Variants in FOXN3 observed in about 807,000 individuals in gnomAD.
FOXN3 encodes forkhead box protein N3.
FOXN3 carries 7 observed loss-of-function variants against 38.4 expected under a neutral mutation model. That is an observed-to-expected ratio of 0.18 (90% CI 0.10 to 0.34). FOXN3 has a LOEUF of 0.34. FOXN3 is among the 10% of genes least tolerant of loss of function. The pLI, the probability that FOXN3 is intolerant of heterozygous loss-of-function variation, is 1.00. For missense variants in FOXN3, 456 were observed against 613.4 expected (o/e 0.74, Z 2.71); for synonymous variants, 230 against 242.2 (o/e 0.95, Z 0.47).
chr14:89,260,424 C>T (rs532119021), intron 4 of FOXN3, among the ~76,000 whole-genome samples: 18 of 152,310 alleles, frequency 1.2e-4, no homozygotes, highest in African/African-American at 3.6e-4. Flanking sequence ...CCTGTGCTCC[C>T]GGCAATCAGC....
chr14:89,426,241 T>TTG (rs55794657), intron 1 of FOXN3, among the ~76,000 whole-genome samples: 3 of 122,058 alleles, frequency 2.5e-5, no homozygotes, highest in Non-Finnish European at 5.1e-5. Flanking sequence ...TTTTTTTTTT[T>TTG]GAGACAGGGT....
At chr14:89,323,287 C>CA (rs60059606) in intron 3 of FOXN3, among the ~76,000 whole-genome samples, 2,334 of 75,600 alleles carry the variant, frequency 0.031, 47 homozygotes, top group African/African-American at 0.062. Context: ...GACTCCATCT[C>CA]AAAAAAAAAA....
Position 89,162,931 on chromosome 14 carries a change from T to C in FOXN3, c.890A>G (p.Glu297Gly). ...GACCACTGGGGAGCCACAAGATGGCTCACTCTCAGTCCGCATCCGGCAGCT... is the reference window on the plus strand; with the variant it reads ...GACCACTGGGGAGCCACAAGATGGCCCACTCTCAGTCCGCATCCGGCAGCT... ...ITSCRMRTES[E>G]PSCGSPVVSG... Residue 297 changes from glutamate (E) to glycine (G), a missense_variant, in exon 6 of 6, where the codon GAG becomes GGG. Transcript: ENST00000557258. This position sits in a 1 kb window ranked among gnomAD's most constrained non-coding sequence, Gnocchi z 7.2. 6.3e-7 allele frequency: 1 copy of C among 1,583,318 alleles called. No homozygotes were observed. The highest frequency in any genetic ancestry group is 8.6e-7 in the Non-Finnish European group (1 of 1,161,288).
chr14:89,272,594 G>A (rs1005038707), intron 4 of FOXN3, among the ~76,000 whole-genome samples: 3 of 152,228 alleles, frequency 2.0e-5, no homozygotes, highest in Admixed American at 1.3e-4. Context: ...GCTCACGCCT[G>A]TAATCCCAAC....
At chr14:89,222,864 G>T (rs931633859) in intron 4 of FOXN3, among the ~76,000 whole-genome samples, 1 of 152,166 alleles carries the variant, frequency 6.6e-6, no homozygotes, top group Non-Finnish European at 1.5e-5. Flanking sequence ...CAAAAGTTTT[G>T]CTGAGAGTAT....
intron 1 of FOXN3, among the ~76,000 whole-genome samples, chr14:89,464,855 G>A (rs569194278): frequency 3.2e-4 from 48 of 151,700 alleles, no homozygotes; most frequent in Middle Eastern, 3.4e-3. Context: ...CCACCACCAC[G>A]CCCGGCTAAT....
intron 1 of FOXN3, among the ~76,000 whole-genome samples, chr14:89,429,969 G>A (rs189929874): frequency 6.9e-4 from 105 of 152,196 alleles, no homozygotes; most frequent in African/African-American, 2.5e-3. Context: ...TGTCACATTC[G>A]TTCTTCTGTT....
At chr14:89,190,351 A>G (rs1319332390) in intron 4 of FOXN3, 3 of 1,540,098 alleles carry the variant, frequency 1.9e-6, no homozygotes, top group African/African-American at 2.7e-5. Context: ...TTCACAAACT[A>G]TGGTGCTGTA....
At chr14:89,471,281 T>G (rs112254316) in intron 1 of FOXN3, among the ~76,000 whole-genome samples, 2 of 152,174 alleles carry the variant, frequency 1.3e-5, no homozygotes, top group African/African-American at 2.4e-5. Flanking sequence ...TACCTGAGAG[T>G]AATCCATTTT....
chr14:89,505,606 G>A (rs1893903060), intron 1 of FOXN3, among the ~76,000 whole-genome samples: 1 of 152,100 alleles, frequency 6.6e-6, no homozygotes, highest in Admixed American at 6.5e-5. Context: ...GAGTGCAGTG[G>A]CGTGATCTCG....
intron 4 of FOXN3, among the ~76,000 whole-genome samples, chr14:89,187,479 G>GTGGC (rs922516528): frequency 2.2e-4 from 33 of 152,320 alleles, no homozygotes; most frequent in Non-Finnish European, 3.7e-4. Context: ...CACCATCACT[G>GTGGC]TGGCTGGCTG....
chr14:89,384,570 C>G (rs75866392), intron 2 of FOXN3, among the ~76,000 whole-genome samples: 1 of 152,140 alleles, frequency 6.6e-6, no homozygotes, highest in African/African-American at 2.4e-5. Flanking sequence ...TTAAAAAAAA[C>G]TTCCTTTCTT....
intron 5 of FOXN3, among the ~76,000 whole-genome samples, chr14:89,172,990 G>A (rs1887429030): frequency 6.6e-6 from 1 of 152,090 alleles, no homozygotes; most frequent in African/African-American, 2.4e-5. Context: ...ATTGATAAAT[G>A]TGATTAATAA....
At chr14:89,601,679 A>G (rs1178661086) in intron 1 of FOXN3, among the ~76,000 whole-genome samples, 1 of 152,196 alleles carries the variant, frequency 6.6e-6, no homozygotes, top group Non-Finnish European at 1.5e-5. Flanking sequence ...GATATGCTCA[A>G]CACTGGCCTG....
At chr14:89,495,456 T>C (rs1413325635) in intron 1 of FOXN3, among the ~76,000 whole-genome samples, 2 of 152,128 alleles carry the variant, frequency 1.3e-5, no homozygotes, top group African/African-American at 2.4e-5. Flanking sequence ...AAAATGGATA[T>C]ATACACACCT....
intron 1 of FOXN3, among the ~76,000 whole-genome samples, chr14:89,504,906 C>T (rs1893879383): frequency 6.6e-6 from 1 of 152,168 alleles, no homozygotes. Context: ...TCCCCACTCA[C>T]CCAGGAACTT....
intron 1 of FOXN3, among the ~76,000 whole-genome samples, chr14:89,615,528 C>G (rs983908282): frequency 2.0e-5 from 3 of 152,112 alleles, no homozygotes; most frequent in African/African-American, 7.2e-5. Context: ...CCTTTCGAAA[C>G]GAAGTGTTCT....
rs146300437 is a variant in FOXN3, at chr14:89,590,233, T to C, written c.-15+28795A>G. On this transcript the variant is annotated intron_variant, in intron 1 of 6. Transcript: ENST00000345097. ...TCAATGAATGATTCTTAAGCCTTCA[T>C]GTTTGCCCTGTAAGCAAACTGAAGA... Among the ~76,000 whole-genome samples the C allele has an allele frequency of 6.8e-4, 103 of 152,312 alleles. 2 individuals carry two copies. The East Asian group carries it at 0.017, about 25-fold the overall frequency.
upstream of FOXN3, among the ~76,000 whole-genome samples, chr14:89,421,041 AT>A (rs1891890759): frequency 6.6e-6 from 1 of 151,974 alleles, no homozygotes; most frequent in African/African-American, 2.4e-5. Flanking sequence ...AAAAAAAAAA[AT>A]TGGGGAAAAA....
Sources: allele counts gnomAD v4.1 joint callset (sites outside exome capture counted in the v4.1 genomes callset), GRCh38; gene constraint gnomAD v4.1.1; non-coding constraint Gnocchi (gnomAD v3.1); transcripts MANE v1.5; gene names NCBI Gene and HGNC (gene_info 2026-07-23, HGNC 2026-07-21).